The following MEGF10 variants were observed in gnomAD, a reference collection of about 807,000 sequenced individuals.
MEGF10 encodes multiple epidermal growth factor-like domains protein 10.
In MEGF10, 86 loss-of-function variants were observed where a neutral mutation model predicts 147.5. That is an observed-to-expected ratio of 0.58 (90% CI 0.49 to 0.70). The LOEUF is 0.70. Ranked by LOEUF, MEGF10 falls within the 30% of genes least tolerant of loss-of-function variation. MEGF10 has a pLI of 0.00. For missense variants in MEGF10, 1,329 were observed against 1,487.3 expected, an observed-to-expected ratio of 0.89 and a Z score of 1.75; for synonymous variants, 478 against 525.5, an observed-to-expected ratio of 0.91 and a Z score of 1.24.
intron 4 of MEGF10, among the ~76,000 whole-genome samples, chr5:127,351,406 GTCTA>G (rs1419655266): frequency 1.3e-5 from 2 of 151,772 alleles, no homozygotes; most frequent in Non-Finnish European, 2.9e-5. Flanking sequence ...ATATTTTCTT[GTCTA>G]TCAATTACAT....
chr5:127,447,740 C>G (rs1427667118), intron 21 of MEGF10, 56 bp downstream of exon 21: 32 of 1,608,084 alleles, frequency 2.0e-5, no homozygotes, highest in Non-Finnish European at 2.6e-5. Context: ...GGAAGGGAAC[C>G]AGCATTTATT....
chr5:127,400,031 C>G (rs571206567), intron 7 of MEGF10, among the ~76,000 whole-genome samples: 2 of 152,322 alleles, frequency 1.3e-5, no homozygotes, highest in Non-Finnish European at 2.9e-5. Flanking sequence ...ACAGCCAGAC[C>G]TGGTAGTAGA....
intron 13 of MEGF10, among the ~76,000 whole-genome samples, chr5:127,430,592 T>C (rs911931149): frequency 6.6e-6 from 1 of 152,208 alleles, no homozygotes; most frequent in African/African-American, 2.4e-5. Context: ...AATATCAATA[T>C]TCTCCAGAGA....
At chr5:127,428,141 A>ATTTTTTTTTTTTTTTTTTTTTTTTTTTTT (rs66935934) in intron 13 of MEGF10, among the ~76,000 whole-genome samples, 2 of 103,572 alleles carry the variant, frequency 1.9e-5, no homozygotes, top group Non-Finnish European at 1.9e-5. Flanking sequence ...GGTGTCTGGT[A>ATTTTTTTTTTTTTTTTTTTTTTTTTTTTT]TTTTTTTTTT....
At chr5:127,285,749 C>T in the MEGF10 span, among the ~76,000 whole-genome samples, 1 of 152,014 alleles carries the variant, frequency 6.6e-6, no homozygotes, top group African/African-American at 2.4e-5. Context: ...ATGAACTATT[C>T]TTGCTGGCTG....
chr5:127,321,163 A>G (rs554832120), intron 1 of MEGF10, among the ~76,000 whole-genome samples: 3 of 152,312 alleles, frequency 2.0e-5, no homozygotes, highest in African/African-American at 4.8e-5. Flanking sequence ...TGAGCCACCT[A>G]CAAATGAGCT....
At chr5:127,323,929 A>G (rs1484037170) in intron 1 of MEGF10, among the ~76,000 whole-genome samples, 2 of 152,200 alleles carry the variant, frequency 1.3e-5, no homozygotes, top group African/African-American at 4.8e-5. Context: ...TCCGAATATC[A>G]TAGCAGCTGG....
chr5:127,281,230 C>T, the MEGF10 span, among the ~76,000 whole-genome samples: 2 of 152,222 alleles, frequency 1.3e-5, no homozygotes, highest in African/African-American at 4.8e-5. Flanking sequence ...TTATACTCAG[C>T]ACCCAGTAGC....
At chr5:127,270,163 A>G in the MEGF10 span, among the ~76,000 whole-genome samples, 3 of 152,208 alleles carry the variant, frequency 2.0e-5, no homozygotes, top group African/African-American at 7.2e-5. Context: ...GCTGGGAAGA[A>G]ACTGCATCAA....
At chr5:127,293,255 T>G (rs1168981852) in intron 1 of MEGF10, among the ~76,000 whole-genome samples, 1 of 152,220 alleles carries the variant, frequency 6.6e-6, no homozygotes. Flanking sequence ...ATTACGTTAC[T>G]TCCATCTTTG....
At chr5:127,278,578 G>A in the MEGF10 span, among the ~76,000 whole-genome samples, 1 of 152,126 alleles carries the variant, frequency 6.6e-6, no homozygotes, top group Non-Finnish European at 1.5e-5. Context: ...GAAAGACAGG[G>A]AGAAATCCAC....
chr5:127,303,446 A>G (rs922921428), intron 1 of MEGF10, among the ~76,000 whole-genome samples: 1 of 152,126 alleles, frequency 6.6e-6, no homozygotes, highest in Admixed American at 6.5e-5. Context: ...CAGGCAGTAG[A>G]TAGCAAAGGC....
At chr5:127,419,311 A>T in intron 11 of MEGF10, 71 bp downstream of exon 11, 1 of 1,533,524 alleles carries the variant, frequency 6.5e-7, no homozygotes, top group Non-Finnish European at 8.8e-7. Context: ...AAAAAGAAAA[A>T]CCTTAACCAG....
chr5:127,400,564 G>A (rs996211269), intron 7 of MEGF10, among the ~76,000 whole-genome samples: 4 of 152,196 alleles, frequency 2.6e-5, no homozygotes. Flanking sequence ...TGCAATGAAA[G>A]TATTTTGCTG....
chr5:127,375,730 C>T (rs1206914064), intron 5 of MEGF10, among the ~76,000 whole-genome samples: 1 of 152,218 alleles, frequency 6.6e-6, no homozygotes, highest in Admixed American at 6.5e-5. Context: ...TGATAAACAA[C>T]TCCTGGAGGG....
the MEGF10 span, among the ~76,000 whole-genome samples, chr5:127,269,229 C>T: frequency 6.6e-6 from 1 of 152,230 alleles, no homozygotes; most frequent in African/African-American, 2.4e-5. Context: ...TGGAACAAAG[C>T]TGGATGGAGA....
intron 5 of MEGF10, among the ~76,000 whole-genome samples, chr5:127,391,084 A>ATGTGCG (rs146867870): frequency 2.1e-5 from 2 of 93,540 alleles, no homozygotes; most frequent in Admixed American, 1.2e-4. Flanking sequence ...ATACATACAC[A>ATGTGCG]CATGCGCGCG....
At chr5:127,353,463 C>T (rs1762160208) in intron 4 of MEGF10, among the ~76,000 whole-genome samples, 1 of 152,188 alleles carries the variant, frequency 6.6e-6, no homozygotes, top group African/African-American at 2.4e-5. Flanking sequence ...GGCAGCTACC[C>T]TCTGTGGGAA....
At chr5:127,380,768 C>T (rs1198400021) in intron 5 of MEGF10, among the ~76,000 whole-genome samples, 8 of 152,108 alleles carry the variant, frequency 5.3e-5, no homozygotes, top group African/African-American at 1.7e-4. Context: ...TCGCCCGCCT[C>T]GGCCTCCCAA....
Sources: gnomAD v4.1 joint callset for allele counts (sites outside exome capture counted in the v4.1 genomes callset) on GRCh38, gnomAD v4.1.1 for gene constraint, MANE v1.5 for transcripts, NCBI Gene and HGNC (gene_info 2026-07-23, HGNC 2026-07-21) for gene names.